TNFRSF10B: variants seen among roughly 807,000 people sequenced by gnomAD.
TNFRSF10B encodes tumor necrosis factor receptor superfamily member 10B.
A neutral mutation model predicts 41.4 loss-of-function variants in TNFRSF10B; 35 were observed. The observed-to-expected ratio is 0.85, with a 90% CI of 0.65 to 1.12. The LOEUF is 1.12. Among genes scored for constraint, TNFRSF10B ranks in the 50% most tolerant of loss-of-function variants. TNFRSF10B has a pLI of 0.00. For missense variants in TNFRSF10B, 584 were observed against 552.7 expected, an observed-to-expected ratio of 1.06 and a Z score of -0.57; for synonymous variants, 230 against 215.5, an observed-to-expected ratio of 1.07 and a Z score of -0.59.
At position 23,043,135 on chromosome 8, in the gene TNFRSF10B, T is replaced by C. The variant is rs377591335; in HGVS notation, c.250+3A>G. On this transcript the variant is annotated splice_donor_region_variant and intron_variant, in intron 2 of 8. Transcript: ENST00000276431. ...AAGGATTAGAGACCCATCTTGAACA[T>C]ACCAGGTGGACACAATCCCTCTGAG... is the stretch of plus-strand genomic sequence containing the variant. 9 of 1,613,770 alleles carry C rather than the reference T, an allele frequency of 5.6e-6. No individual in the cohort carries two copies. The highest frequency in any genetic ancestry group is 2.2e-5 in the East Asian group (1 of 44,882).
chr8:23,027,648 C>G (rs959937678), intron 6 of TNFRSF10B, 74 bp downstream of exon 6: 7 of 1,604,222 alleles, frequency 4.4e-6, no homozygotes, highest in East Asian at 2.2e-5. Context: ...GGGGACCCAC[C>G]CACCCAGGTT....
At position 23,020,555 on chromosome 8, in the gene TNFRSF10B, G is replaced by A. The variant is rs779866743; in HGVS notation, c.*2116C>T. ...AAAAATACAAAAATTAGCCAGGCGT[G>A]GTGGCGGGTGCCTGCAATCCCAGCT... On this transcript the variant is annotated 3_prime_UTR_variant, in exon 9 of 9. Transcript: ENST00000276431. 2.2e-6 allele frequency: 1 copy of A among 446,212 alleles called. No homozygotes were observed. The highest frequency in any genetic ancestry group is 7.0e-5 in the East Asian group (1 of 14,242). The allele number at this position is 446,212 out of a possible 1,614,324, so 27.6% of individuals were successfully genotyped here.
chr8:23,067,393 A>G (rs1224198195), intron 1 of TNFRSF10B, among the ~76,000 whole-genome samples: 22 of 152,196 alleles, frequency 1.4e-4, no homozygotes. Flanking sequence ...TCTTCCAAGT[A>G]GAAAGAACAT....
intron 2 of TNFRSF10B, among the ~76,000 whole-genome samples, chr8:23,040,055 G>T (rs1039089067): frequency 4.0e-5 from 6 of 151,590 alleles, no homozygotes; most frequent in South Asian, 2.1e-4. Flanking sequence ...TCCAGGCATG[G>T]TGGCTACTCC....
intron 2 of TNFRSF10B, among the ~76,000 whole-genome samples, chr8:23,032,605 T>C (rs1349313251): frequency 6.6e-6 from 1 of 152,258 alleles, no homozygotes; most frequent in Non-Finnish European, 1.5e-5. Context: ...ATCTGTATAT[T>C]GCTTTGGGTA....
At chr8:23,056,427 G>T (rs1025206844) in intron 1 of TNFRSF10B, among the ~76,000 whole-genome samples, 7 of 152,116 alleles carry the variant, frequency 4.6e-5, no homozygotes, top group Non-Finnish European at 7.4e-5. Context: ...CGAGGCGGGC[G>T]ATCATTTGAG....
intron 2 of TNFRSF10B, among the ~76,000 whole-genome samples, chr8:23,035,538 A>G (rs1474463292): frequency 6.6e-6 from 1 of 152,224 alleles, no homozygotes; most frequent in African/African-American, 2.4e-5. Flanking sequence ...ACGAGCAAGA[A>G]GTAGCAACTA....
At chr8:23,032,675 A>G (rs1437195403) in intron 2 of TNFRSF10B, among the ~76,000 whole-genome samples, 1 of 152,202 alleles carries the variant, frequency 6.6e-6, no homozygotes, top group Non-Finnish European at 1.5e-5. Flanking sequence ...TGCTTTTTTA[A>G]AATTTCTTAC....
chr8:23,055,853 T>C (rs11781986), intron 1 of TNFRSF10B, among the ~76,000 whole-genome samples: 35,373 of 152,108 alleles, frequency 0.23, 4,501 homozygotes, highest in Non-Finnish European at 0.28. Context: ...ACCTTAGTTA[T>C]AGATTAAAAG....
At chr8:23,024,350 CAG>C in intron 7 of TNFRSF10B, 90 bp from the exon 8 acceptor site, 1 of 1,351,488 alleles carries the variant, frequency 7.4e-7, no homozygotes, top group Admixed American at 1.7e-5. Flanking sequence ...CTGAGACCTG[CAG>C]CACGTCACTT....
chr8:23,068,067 C>T (rs1048898497), intron 1 of TNFRSF10B, among the ~76,000 whole-genome samples: 12 of 152,232 alleles, frequency 7.9e-5, no homozygotes, highest in Non-Finnish European at 2.9e-5. Flanking sequence ...TATTATCAAG[C>T]AGGTCAGGCC....
chr8:23,049,359 G>A (rs1812454390), intron 1 of TNFRSF10B, among the ~76,000 whole-genome samples: 1 of 152,078 alleles, frequency 6.6e-6, no homozygotes, highest in South Asian at 2.1e-4. Flanking sequence ...ACTCATTTAG[G>A]ATTAAACAAG....
intron 2 of TNFRSF10B, chr8:23,042,911 C>T: frequency 3.9e-6 from 2 of 506,592 alleles, no homozygotes; most frequent in Non-Finnish European, 7.1e-6. Flanking sequence ...ATCTCTGTCC[C>T]ACTCAATTCT....
At chr8:23,036,448 A>T (rs936474319) in intron 2 of TNFRSF10B, among the ~76,000 whole-genome samples, 16 of 152,210 alleles carry the variant, frequency 1.1e-4, no homozygotes, top group Non-Finnish European at 1.3e-4. Context: ...TGCCAGAAGA[A>T]GGTTTACAGA....
intron 1 of TNFRSF10B, among the ~76,000 whole-genome samples, chr8:23,059,053 G>T (rs1363972851): frequency 6.6e-6 from 1 of 152,054 alleles, no homozygotes; most frequent in Non-Finnish European, 1.5e-5. Flanking sequence ...TCTACTGTTG[G>T]TTTTTATGAA....
intron 2 of TNFRSF10B, among the ~76,000 whole-genome samples, chr8:23,032,023 C>T (rs1291561610): frequency 6.6e-6 from 1 of 151,740 alleles, no homozygotes; most frequent in Non-Finnish European, 1.5e-5. Context: ...TCTCCTGCCT[C>T]AGCCTCCCGA....
intron 1 of TNFRSF10B, among the ~76,000 whole-genome samples, chr8:23,048,403 G>A (rs1012995542): frequency 2.2e-5 from 3 of 139,482 alleles, no homozygotes; most frequent in Admixed American, 1.5e-4. Context: ...ACCATTGCAC[G>A]ACAGCCTGGG....
At position 23,022,864 on chromosome 8, in the gene TNFRSF10B, C is replaced by T. The variant is rs1486501867; in HGVS notation, c.1130G>A (p.Gly377Asp). 1.9e-6 allele frequency: 3 copies of T among 1,613,976 alleles called. No homozygotes were observed. The African/African-American group carries it at 4.0e-5, about 22-fold the overall frequency. ...CATCGTGTACAAGGTGTCCCTGTGG[C>T]CCGCTGCCTCAGCTTTAGCCACCTT... is the stretch of plus-strand genomic sequence containing the variant. ...EIKVAKAEAA[G>D]HRDTLYTMLI... The change falls in exon 9 of 9, where the codon GGC becomes GAC. Residue 377 changes from glycine to aspartate, a missense_variant. Physicochemically the swap from Gly to Asp is moderately conservative, Grantham distance 94. Transcript: ENST00000276431.
At chr8:23,039,002 C>T (rs142847737) in intron 2 of TNFRSF10B, among the ~76,000 whole-genome samples, 13 of 151,764 alleles carry the variant, frequency 8.6e-5, no homozygotes, top group African/African-American at 2.9e-4. Flanking sequence ...CTCACTATAA[C>T]GTAGAATCAG....
Sources: allele counts gnomAD v4.1 joint callset (sites outside exome capture counted in the v4.1 genomes callset), GRCh38; gene constraint gnomAD v4.1.1; transcripts MANE v1.5; gene names NCBI Gene and HGNC (gene_info 2026-07-23, HGNC 2026-07-21).